Variants in LINGO2 observed in about 807,000 individuals in gnomAD.
LINGO2 encodes the protein leucine-rich repeat and immunoglobulin-like domain-containing nogo receptor-interacting protein 2.
In LINGO2, 14 loss-of-function variants were observed where a neutral mutation model predicts 30.6. The ratio of observed to expected loss-of-function variants is 0.46; its 90% CI spans 0.30 to 0.72. The LOEUF (loss-of-function observed/expected upper bound fraction) is 0.72. Among genes scored for constraint, LINGO2 ranks in the 30% least tolerant of loss-of-function variants. The pLI, the probability that LINGO2 is intolerant of heterozygous loss-of-function variation, is 0.07. For synonymous variants in LINGO2, 317 were observed against 288.5 expected (o/e 1.10, Z -1.00); for missense variants, 729 against 751.7 (o/e 0.97, Z 0.35).
At chr9:29,138,455 T>C in the LINGO2 span, among the ~76,000 whole-genome samples, 1 of 152,160 alleles carries the variant, frequency 6.6e-6, no homozygotes. Context: ...TCCTATATAG[T>C]TATTGACTAA....
chr9:28,478,350 G>C (rs973914110), intron 1 of LINGO2, among the ~76,000 whole-genome samples: 1 of 150,782 alleles, frequency 6.6e-6, no homozygotes, highest in Non-Finnish European at 1.5e-5. Context: ...TTCTCAGTTT[G>C]ATTTAAAGCA....
chr9:28,472,938 C>T (rs1450030229), intron 2 of LINGO2, among the ~76,000 whole-genome samples: 1 of 152,124 alleles, frequency 6.6e-6, no homozygotes, highest in African/African-American at 2.4e-5. Context: ...ATTTCTGAGT[C>T]ATTCAATGCA....
At chr9:29,021,588 C>T in the LINGO2 span, among the ~76,000 whole-genome samples, 1 of 151,778 alleles carries the variant, frequency 6.6e-6, no homozygotes, top group East Asian at 2.0e-4. Flanking sequence ...ACCCAGAAGG[C>T]GGAGGTTGCA....
At chr9:28,553,830 T>TG (rs940687965) in intron 1 of LINGO2, among the ~76,000 whole-genome samples, 11 of 152,022 alleles carry the variant, frequency 7.2e-5, no homozygotes, top group African/African-American at 2.7e-4. Context: ...CAGAAGAGAC[T>TG]GGGGGCCGAT....
chr9:27,954,769 G>A (rs10968225), intron 5 of LINGO2, among the ~76,000 whole-genome samples: 41,825 of 152,034 alleles, frequency 0.28, 6,170 homozygotes, highest in Middle Eastern at 0.45. Context: ...AGTCCCAGCA[G>A]TGGGATTGCT....
At chr9:28,041,793 C>G (rs1824207106) in intron 4 of LINGO2, among the ~76,000 whole-genome samples, 1 of 152,110 alleles carries the variant, frequency 6.6e-6, no homozygotes. Flanking sequence ...ACACCTTACC[C>G]TACAACATAC....
chr9:28,677,159 TTAAC>T, the LINGO2 span, among the ~76,000 whole-genome samples: 1 of 152,166 alleles, frequency 6.6e-6, no homozygotes, highest in East Asian at 1.9e-4. Flanking sequence ...CACAGAGGGA[TTAAC>T]TAACCAGGCA....
intron 3 of LINGO2, among the ~76,000 whole-genome samples, chr9:28,334,618 G>C (rs558338901): frequency 7.2e-4 from 110 of 152,230 alleles, no homozygotes; most frequent in African/African-American, 2.5e-3. Flanking sequence ...GACTCTAGTA[G>C]GTTTGGGTGG....
the LINGO2 span, among the ~76,000 whole-genome samples, chr9:29,060,680 T>A: frequency 6.6e-6 from 1 of 151,324 alleles, no homozygotes; most frequent in African/African-American, 2.4e-5. Context: ...GAAAATACAG[T>A]TTTTAGAAGA....
At chr9:28,784,123 T>G in the LINGO2 span, among the ~76,000 whole-genome samples, 1 of 152,226 alleles carries the variant, frequency 6.6e-6, no homozygotes, top group African/African-American at 2.4e-5. Flanking sequence ...AATTAATTGT[T>G]TTTTAAAAAA....
chr9:28,880,830 T>C, the LINGO2 span, among the ~76,000 whole-genome samples: 1 of 152,168 alleles, frequency 6.6e-6, no homozygotes, highest in Non-Finnish European at 1.5e-5. Context: ...TTTGCAGCAA[T>C]CCTGCCTTGT....
chr9:27,975,189 T>C (rs1475000321), intron 5 of LINGO2, among the ~76,000 whole-genome samples: 1 of 152,122 alleles, frequency 6.6e-6, no homozygotes, highest in East Asian at 1.9e-4. Flanking sequence ...TCCACATTTT[T>C]TGGTTACTGG....
intron 4 of LINGO2, among the ~76,000 whole-genome samples, chr9:28,014,702 A>G (rs10115425): frequency 2.4e-4 from 36 of 152,244 alleles, no homozygotes; most frequent in African/African-American, 8.2e-4. Context: ...ATATTCCTAG[A>G]AGTTGAGTTG....
chr9:28,279,608 T>C (rs1163558034), intron 4 of LINGO2, among the ~76,000 whole-genome samples: 2 of 152,212 alleles, frequency 1.3e-5, no homozygotes, highest in East Asian at 3.9e-4. Context: ...TTAGACATCA[T>C]GTTACTGTAC....
At chr9:28,930,954 T>C in the LINGO2 span, among the ~76,000 whole-genome samples, 1 of 152,182 alleles carries the variant, frequency 6.6e-6, no homozygotes, top group East Asian at 1.9e-4. This position sits in a 1 kb window ranked among gnomAD's most constrained non-coding sequence, Gnocchi z 4.2. Flanking sequence ...ACTCCTGTCA[T>C]ATGAATGCAG....
chr9:28,885,522 G>GT, the LINGO2 span, among the ~76,000 whole-genome samples: 1 of 149,318 alleles, frequency 6.7e-6, no homozygotes, highest in South Asian at 2.1e-4. Context: ...GTGTACATAT[G>GT]ACAACATATA....
the LINGO2 span, among the ~76,000 whole-genome samples, chr9:28,893,575 TATC>T: frequency 1.8e-5 from 1 of 56,980 alleles, no homozygotes; most frequent in South Asian, 5.1e-4. Flanking sequence ...CAGCAATGGT[TATC>T]ATTTTTTTTT....
chr9:28,926,320 A>G, the LINGO2 span, among the ~76,000 whole-genome samples: 15 of 152,330 alleles, frequency 9.8e-5, no homozygotes, highest in Non-Finnish European at 1.9e-4. Context: ...TCTCAAAAAA[A>G]GAAAAGAAAA....
At chr9:28,552,370 AC>A (rs1229325152) in intron 1 of LINGO2, among the ~76,000 whole-genome samples, 1 of 152,096 alleles carries the variant, frequency 6.6e-6, no homozygotes, top group Non-Finnish European at 1.5e-5. Context: ...AGTCTTAAAT[AC>A]TTTGTTGCAT....
Sources: allele counts gnomAD v4.1 joint callset (sites outside exome capture counted in the v4.1 genomes callset), GRCh38; gene constraint gnomAD v4.1.1; non-coding constraint Gnocchi (gnomAD v3.1); transcripts MANE v1.5; gene names NCBI Gene and HGNC (gene_info 2026-07-23, HGNC 2026-07-21).